RABGAP1L: variants seen among roughly 807,000 people sequenced by gnomAD.
RABGAP1L encodes RAB GTPase activating protein 1 like.
In RABGAP1L, 63 loss-of-function variants were observed where a neutral mutation model predicts 137.7. That is an observed-to-expected ratio of 0.46 (90% CI 0.37 to 0.56). The LOEUF is 0.56. Ranked by LOEUF, RABGAP1L falls within the 20% of genes least tolerant of loss-of-function variation. The pLI, the probability that RABGAP1L is intolerant of heterozygous loss-of-function variation, is 0.00. For synonymous variants in RABGAP1L, 431 were observed against 433.7 expected (o/e 0.99, Z 0.08); for missense variants, 1,095 against 1,244.0 (o/e 0.88, Z 1.80).
chr1:174,769,881 C>G (rs2148725647), intron 18 of RABGAP1L, among the ~76,000 whole-genome samples: 1 of 152,232 alleles, frequency 6.6e-6, no homozygotes, highest in East Asian at 1.9e-4. Flanking sequence ...AGCAAAAGAC[C>G]TTGAAACTGG....
rs116333726 is a variant in RABGAP1L at position 174,892,965 on chromosome 1, C to T, written c.2341-64492C>T. The T allele has an allele frequency of 7.9e-3, 1,388 of 176,642 alleles. 25 individuals carry two copies. Among genetic ancestry groups the T allele is most frequent in the African/African-American group, 0.034 (1,322 of 39,354 alleles). The allele number at this position is 176,642 out of a possible 1,614,324, so 10.9% of individuals were successfully genotyped here. On this transcript the variant is annotated intron_variant, in intron 19 of 25. Transcript: ENST00000681986. ...GGGTTTCACCATATTGTCCTGGCCC[C>T]GAACTCTTGACCTCATGTGGTCTGC...
At chr1:174,716,354 G>C (rs367585943) in intron 17 of RABGAP1L, among the ~76,000 whole-genome samples, 3 of 152,112 alleles carry the variant, frequency 2.0e-5, no homozygotes, top group Admixed American at 6.6e-5. Context: ...TCATAGTGGC[G>C]CACTACAGCC....
intron 13 of RABGAP1L, among the ~76,000 whole-genome samples, chr1:174,473,927 A>G (rs1658219572): frequency 2.0e-5 from 3 of 152,222 alleles, no homozygotes; most frequent in African/African-American, 7.2e-5. Flanking sequence ...AGTTCTTTCA[A>G]GTCCTTACAA....
At chr1:174,515,397 A>G (rs1247560790) in intron 13 of RABGAP1L, among the ~76,000 whole-genome samples, 1 of 152,194 alleles carries the variant, frequency 6.6e-6, no homozygotes, top group East Asian at 1.9e-4. Context: ...ATGCACACAC[A>G]CTGAAGTATA....
At chr1:174,513,130 A>G (rs1662501567) in intron 13 of RABGAP1L, among the ~76,000 whole-genome samples, 1 of 152,186 alleles carries the variant, frequency 6.6e-6, no homozygotes, top group Non-Finnish European at 1.5e-5. Context: ...CAATTTAATC[A>G]TTCATAAAAG....
chr1:174,979,290 AT>A (rs2149382755), intron 23 of RABGAP1L, among the ~76,000 whole-genome samples: 1 of 152,210 alleles, frequency 6.6e-6, no homozygotes, highest in Non-Finnish European at 1.5e-5. Flanking sequence ...GATTTATTAA[AT>A]TTGGTGACTC....
chr1:174,526,070 A>G (rs534996586), intron 13 of RABGAP1L, among the ~76,000 whole-genome samples: 1 of 152,190 alleles, frequency 6.6e-6, no homozygotes, highest in South Asian at 2.1e-4. Context: ...GGTCATTTGT[A>G]TGTCTTCTTT....
At chr1:174,611,818 A>T (rs574689581) in intron 13 of RABGAP1L, among the ~76,000 whole-genome samples, 4 of 152,180 alleles carry the variant, frequency 2.6e-5, no homozygotes, top group Non-Finnish European at 4.4e-5. Flanking sequence ...CCTTGAAGCA[A>T]TTGTGAATGG....
Position 174,327,944 on chromosome 1 carries a change from A to G in RABGAP1L, c.1465+22817A>G, listed in dbSNP as rs1248660208. ...AAAGGGGACAGTAGAGCAAAAGGAT[A>G]TAACAGTTGTAAATATATATATATA... On this transcript the variant is annotated intron_variant, in intron 11 of 25. Coordinates refer to ENST00000681986, the MANE Select transcript of RABGAP1L (RefSeq NM_001366446.1). 5.9e-5 allele frequency among the ~76,000 whole-genome samples: 8 copies of G among 136,230 alleles called. 1 individual carries two copies. Among genetic ancestry groups the G allele is most frequent in the Non-Finnish European group, 9.1e-5 (6 of 66,140 alleles). The allele number at this position is 136,230 out of a possible 152,430, so 89.4% of individuals were successfully genotyped here.
intron 16 of RABGAP1L, chr1:174,701,095 G>A: frequency 7.7e-7 from 1 of 1,303,654 alleles, no homozygotes; most frequent in East Asian, 5.6e-5. Context: ...TCTTCTTTTT[G>A]TGGTCTATTT....
At chr1:174,707,213 TTGTTC>T (rs1461649785) in intron 17 of RABGAP1L, among the ~76,000 whole-genome samples, 4 of 142,278 alleles carry the variant, frequency 2.8e-5, no homozygotes, top group African/African-American at 1.2e-4. Context: ...GGGCAAGGTT[TTGTTC>T]TGTTTTGTTT....
intron 17 of RABGAP1L, among the ~76,000 whole-genome samples, chr1:174,719,748 A>C (rs1328882480): frequency 6.6e-6 from 1 of 152,236 alleles, no homozygotes; most frequent in Non-Finnish European, 1.5e-5. Flanking sequence ...AATAGAGTGT[A>C]TCATCAGTCC....
chr1:174,476,552 A>G (rs1184851292), intron 13 of RABGAP1L, among the ~76,000 whole-genome samples: 1 of 152,232 alleles, frequency 6.6e-6, no homozygotes, highest in Non-Finnish European at 1.5e-5. Flanking sequence ...ATTTGTGAGT[A>G]CCTCCACAAC....
At chr1:174,329,983 T>A (rs1571249147) in intron 11 of RABGAP1L, among the ~76,000 whole-genome samples, 1 of 152,102 alleles carries the variant, frequency 6.6e-6, no homozygotes, top group Admixed American at 6.6e-5. Context: ...TTTCTCTGAT[T>A]TCTGGAACAA....
chr1:174,174,319 A>G (rs1274324256), intron 1 of RABGAP1L, among the ~76,000 whole-genome samples: 2 of 152,184 alleles, frequency 1.3e-5, no homozygotes, highest in Non-Finnish European at 2.9e-5. Flanking sequence ...TTGTAATACT[A>G]TAGAATAATA....
At chr1:174,880,211 C>A (rs1653945655) in intron 19 of RABGAP1L, among the ~76,000 whole-genome samples, 1 of 152,066 alleles carries the variant, frequency 6.6e-6, no homozygotes, top group African/African-American at 2.4e-5. Context: ...TTATTGCCAA[C>A]CCCCTAGTTA....
chr1:174,204,539 G>C (rs1668364924), intron 1 of RABGAP1L, among the ~76,000 whole-genome samples: 3 of 152,198 alleles, frequency 2.0e-5, no homozygotes, highest in Non-Finnish European at 4.4e-5. Context: ...AATGTTGGCT[G>C]TGGGTTTGTC....
chr1:174,577,267 T>TCACACAGA (rs1668446889), intron 13 of RABGAP1L, among the ~76,000 whole-genome samples: 1 of 108,244 alleles, frequency 9.2e-6, no homozygotes, highest in African/African-American at 3.5e-5. Context: ...ACACACACAT[T>TCACACAGA]GAGAGTCAGT....
intron 14 of RABGAP1L, among the ~76,000 whole-genome samples, chr1:174,672,190 A>C: frequency 6.7e-6 from 1 of 149,448 alleles, no homozygotes. Flanking sequence ...TTTATCTCTG[A>C]TTTTGAGTCT....
Sources: allele counts gnomAD v4.1 joint callset (sites outside exome capture counted in the v4.1 genomes callset), GRCh38; gene constraint gnomAD v4.1.1; transcripts MANE v1.5; gene names NCBI Gene and HGNC (gene_info 2026-07-23, HGNC 2026-07-21).